Variants in G2E3 observed in about 807,000 individuals in gnomAD.
G2E3 encodes the protein G2/M-phase specific E3 ubiquitin protein ligase.
In G2E3, 35 loss-of-function variants were observed where a neutral mutation model predicts 92.8. The observed-to-expected ratio is 0.38, with a 90% CI of 0.29 to 0.50. The LOEUF is 0.50. Among genes scored for constraint, G2E3 ranks in the 20% least tolerant of loss-of-function variants. The probability of loss-of-function intolerance (pLI) is 0.94; values close to 1 mark genes in which losing one functional copy is unlikely to be tolerated. For synonymous variants in G2E3, 242 were observed against 272.4 expected (o/e 0.89, Z 1.10); for missense variants, 554 against 823.8 (o/e 0.67, Z 4.01).
chr14:30,593,624 T>C lies in G2E3; in HGVS notation c.513T>C (p.His171=). 6.2e-7 allele frequency: 1 copy of C among 1,604,162 alleles called. No homozygotes were observed. Among genetic ancestry groups the C allele is most frequent in the East Asian group, 2.2e-5 (1 of 44,722 alleles). Residue 171 remains histidine, a synonymous_variant, in exon 6 of 15, where the codon CAT becomes CAC. Coordinates refer to ENST00000206595, the MANE Select transcript of G2E3 (RefSeq NM_017769.5). ...CTTGTTGTAAGAACGCTTGGTTTCA[T>C]AGAGACTGTTTACAGGTAAGATACA... is the stretch of plus-strand genomic sequence containing the variant. ...RSPCCKNAWF[H]RDCLQVQAIN...
chr14:30,589,251 C>T, intron 3 of G2E3, 132 bp from the exon 4 acceptor site: 1 of 578,006 alleles, frequency 1.7e-6, no homozygotes, highest in Non-Finnish European at 3.1e-6. Context: ...AAAATAACTA[C>T]TATAGATAAC....
intron 12 of G2E3, chr14:30,611,820 CTTT>C: frequency 6.6e-6 from 1 of 151,682 alleles, no homozygotes; most frequent in Non-Finnish European, 1.4e-5. Flanking sequence ...CACACCAGGC[CTTT>C]TTTTTTTTTC....
At chr14:30,578,068 GAAATT>G (rs1880219606) in intron 1 of G2E3, among the ~76,000 whole-genome samples, 1 of 151,978 alleles carries the variant, frequency 6.6e-6, no homozygotes, top group Non-Finnish European at 1.5e-5. Flanking sequence ...AAGAAATTAT[GAAATT>G]CAACTGAAAT....
chr14:30,587,365 C>T (rs1264602190), intron 3 of G2E3, among the ~76,000 whole-genome samples: 1 of 152,214 alleles, frequency 6.6e-6, no homozygotes, highest in East Asian at 1.9e-4. Flanking sequence ...CAATTTCTCA[C>T]CTCACTGAAT....
At position 30,586,816 on chromosome 14, in the gene G2E3, G is replaced by T; in HGVS notation, c.135+1G>T. 1 of 1,037,756 alleles carries T rather than the reference G, an allele frequency of 9.6e-7. No homozygotes were observed. Among genetic ancestry groups the T allele is most frequent in the Non-Finnish European group, 1.4e-6 (1 of 719,374 alleles). 64.3% of individuals were successfully genotyped at this position (1,037,756 alleles called of 1,614,324 possible). A position where few individuals can be genotyped will look rare whatever the true frequency, so the allele number is the denominator to read the frequency against. ...TCTCACTGTACATTACTACTGTTTGGTGAGTATAATTTATAATTAAATTCT... is the reference window on the plus strand; with the variant it reads ...TCTCACTGTACATTACTACTGTTTGTTGAGTATAATTTATAATTAAATTCT... On this transcript the variant is annotated splice_donor_variant, in intron 3 of 14. Transcript: ENST00000206595. LOFTEE classifies it high-confidence loss of function.
chr14:30,616,717 A>G lies in G2E3; in HGVS notation c.*183A>G. On this transcript the variant is annotated 3_prime_UTR_variant, in exon 15 of 15. Transcript: ENST00000206595. ...GGCTAAAAAAAGGTTTTTTTTGTTAAAGCATACTAGTCAAAATTGGTGATA... is the reference window on the plus strand; with the variant it reads ...GGCTAAAAAAAGGTTTTTTTTGTTAGAGCATACTAGTCAAAATTGGTGATA... 2.1e-6 allele frequency: 1 copy of G among 476,992 alleles called. No individual in the cohort carries two copies. The highest frequency in any genetic ancestry group is 3.6e-6 in the Non-Finnish European group (1 of 274,452). The allele number at this position is 476,992 out of a possible 1,614,324, so 29.5% of individuals were successfully genotyped here. A position where few individuals can be genotyped will look rare whatever the true frequency, so the allele number is the denominator to read the frequency against.
At chr14:30,572,162 A>G (rs1015606319) in intron 1 of G2E3, among the ~76,000 whole-genome samples, 3 of 152,102 alleles carry the variant, frequency 2.0e-5, no homozygotes, top group Non-Finnish European at 4.4e-5. Context: ...TTTCTGATTA[A>G]TTCTTGCTGT....
At chr14:30,585,256 T>C (rs1880645524) in intron 2 of G2E3, among the ~76,000 whole-genome samples, 1 of 152,184 alleles carries the variant, frequency 6.6e-6, no homozygotes. Flanking sequence ...AAATCCAAAG[T>C]CACACAGATT....
chr14:30,617,524 A>C lies in G2E3; in HGVS notation c.*990A>C, dbSNP rs1199388793. Reference sequence around the variant, plus strand: ...TTTGGCCATTTGACCATTATTTATTATCAAGTTGGTTGTATGCTAAGGTAA... The same window carrying C: ...TTTGGCCATTTGACCATTATTTATTCTCAAGTTGGTTGTATGCTAAGGTAA... On this transcript the variant is annotated 3_prime_UTR_variant, in exon 15 of 15. Transcript: ENST00000206595. 1.3e-5 allele frequency: 2 copies of C among 152,058 alleles called. No individual in the cohort carries two copies. Among genetic ancestry groups the C allele is most frequent in the Non-Finnish European group, 2.9e-5 (2 of 67,966 alleles). The allele number at this position is 152,058 out of a possible 1,614,324, so 9.4% of individuals were successfully genotyped here.
chr14:30,596,686 C>T (rs1020385472), intron 6 of G2E3, among the ~76,000 whole-genome samples: 2 of 152,170 alleles, frequency 1.3e-5, no homozygotes, highest in African/African-American at 4.8e-5. Flanking sequence ...CATACTTTTA[C>T]ACAGTATTGT....
chr14:30,574,956 G>A (rs1879988809), intron 1 of G2E3, among the ~76,000 whole-genome samples: 1 of 152,146 alleles, frequency 6.6e-6, no homozygotes, highest in African/African-American at 2.4e-5. Context: ...TGAGATTGCT[G>A]GGTAAAATGG....
At chr14:30,597,755 A>G (rs1381933377) in intron 7 of G2E3, among the ~76,000 whole-genome samples, 1 of 152,230 alleles carries the variant, frequency 6.6e-6, no homozygotes, top group East Asian at 1.9e-4. Flanking sequence ...TAGCTCAGCT[A>G]TGTCCAATTT....
Position 30,608,054 on chromosome 14 carries a change from A to G in G2E3, c.1485A>G (p.Ala495=), listed in dbSNP as rs1205949150. 1.9e-6 allele frequency: 3 copies of G among 1,582,284 alleles called. No individual in the cohort carries two copies. The African/African-American group carries it at 4.1e-5, about 22-fold the overall frequency. The part of the protein sequence containing the change: ...ILDDVSDFDV[A]QIIIRINTAT... ...ATGATGTTTCAGACTTTGATGTGGC[A>G]CAGATTATAATCAGGGTAAGCAATG... The change falls in exon 12 of 15, where the codon GCA becomes GCG. Residue 495 remains alanine, a synonymous_variant. Transcript: ENST00000206595.
At chr14:30,590,631 AGTG>A (rs1880953534) in intron 4 of G2E3, 1 of 455,394 alleles carries the variant, frequency 2.2e-6, no homozygotes, top group Admixed American at 2.4e-5. Context: ...GAGGCAAAGA[AGTG>A]GAGGCAATTA....
At chr14:30,604,297 G>C (rs1006295707) in intron 10 of G2E3, among the ~76,000 whole-genome samples, 1 of 152,184 alleles carries the variant, frequency 6.6e-6, no homozygotes, top group Admixed American at 6.5e-5. Context: ...TAAGAAAAAA[G>C]AAAAAGCAAA....
intron 7 of G2E3, 57 bp from the exon 8 acceptor site, chr14:30,598,426 A>G: frequency 6.3e-6 from 7 of 1,110,406 alleles, no homozygotes; most frequent in Non-Finnish European, 9.7e-6. Flanking sequence ...TTCATTCCTG[A>G]TCCTCTTATG....
intron 12 of G2E3, chr14:30,611,653 C>CTTTTT (rs956068561): frequency 2.6e-5 from 4 of 151,146 alleles, no homozygotes; most frequent in African/African-American, 9.7e-5. Context: ...TAACTTTTCT[C>CTTTTT]TTTTTTTTTC....
chr14:30,615,018 T>G (rs28679478), intron 13 of G2E3, among the ~76,000 whole-genome samples: 11,145 of 152,224 alleles, frequency 0.073, 619 homozygotes, highest in African/African-American at 0.15. Flanking sequence ...CTTTGAAGTG[T>G]AAAACACTTC....
In G2E3 at chr14:30,612,319, TGTTA is replaced by T; in HGVS notation, c.1616_1619del (p.Leu539Ter). On this transcript the variant is annotated frameshift_variant, in exon 13 of 15. Transcript: ENST00000206595. LOFTEE classifies it high-confidence loss of function. ...ATAACGACATTAAGTGATAAATATA[TGTTA>T]GTAAAAGACATACTTGGCTACCATG... The T allele has an allele frequency of 6.2e-7, 1 of 1,607,276 alleles. No individual in the cohort carries two copies. The highest frequency in any genetic ancestry group is 8.5e-7 in the Non-Finnish European group (1 of 1,174,556).
Sources: allele counts gnomAD v4.1 joint callset (sites outside exome capture counted in the v4.1 genomes callset), GRCh38; gene constraint gnomAD v4.1.1; transcripts MANE v1.5; gene names NCBI Gene and HGNC (gene_info 2026-07-23, HGNC 2026-07-21).